CSMD3: variants seen among roughly 807,000 people sequenced by gnomAD.
CSMD3 encodes CUB and Sushi multiple domains 3.
Under a neutral mutation model 435.2 loss-of-function variants are expected in CSMD3, and 177 were observed. That is an observed-to-expected ratio of 0.41 (90% CI 0.36 to 0.46). The LOEUF (loss-of-function observed/expected upper bound fraction) is 0.46. CSMD3 is among the 20% of genes least tolerant of loss of function. The pLI is 0.34. For missense variants in CSMD3, 4,265 were observed against 4,504.6 expected (o/e 0.95, Z 1.52); for synonymous variants, 1,656 against 1,520.5 (o/e 1.09, Z -2.07).
At chr8:112,885,669 T>G (rs898457337) in intron 10 of CSMD3, among the ~76,000 whole-genome samples, 2 of 151,608 alleles carry the variant, frequency 1.3e-5, no homozygotes, top group African/African-American at 4.8e-5. Context: ...TGATGCTGGG[T>G]TTTTGCTTGT....
At chr8:112,409,845 T>C (rs1263555071) in intron 32 of CSMD3, among the ~76,000 whole-genome samples, 1 of 150,584 alleles carries the variant, frequency 6.6e-6, no homozygotes, top group Non-Finnish European at 1.5e-5. Context: ...TTGCTTTGTG[T>C]TTTTTTTTCT....
chr8:112,756,019 A>G (rs1421074914), intron 13 of CSMD3, among the ~76,000 whole-genome samples: 1 of 152,052 alleles, frequency 6.6e-6, no homozygotes. Context: ...GGTGCTACAT[A>G]TCCTGGTGGA....
chr8:113,158,500 T>C (rs904173798), intron 4 of CSMD3, among the ~76,000 whole-genome samples: 9 of 152,048 alleles, frequency 5.9e-5, no homozygotes, highest in Admixed American at 4.6e-4. Flanking sequence ...TCTGTCAAAG[T>C]TCATAATTTT....
intron 12 of CSMD3, among the ~76,000 whole-genome samples, chr8:112,822,973 G>A (rs768033275): frequency 1.4e-4 from 22 of 152,186 alleles, no homozygotes; most frequent in Non-Finnish European, 2.5e-4. Flanking sequence ...CTTGTATCCC[G>A]GGGATGAAGC....
intron 2 of CSMD3, among the ~76,000 whole-genome samples, chr8:113,293,337 G>A (rs1156598835): frequency 1.3e-5 from 2 of 151,934 alleles, no homozygotes; most frequent in Non-Finnish European, 2.9e-5. Flanking sequence ...AAACTGAGAA[G>A]TGGAGAGAAG....
chr8:113,207,513 G>A (rs2092785332), intron 3 of CSMD3, among the ~76,000 whole-genome samples: 1 of 151,572 alleles, frequency 6.6e-6, no homozygotes, highest in Admixed American at 6.6e-5. Flanking sequence ...CTCCCAAGTA[G>A]CTGGGATTAC....
At position 113,090,000 on chromosome 8, in the gene CSMD3, GA is replaced by G. The variant is rs199528234; in HGVS notation, c.917+8755del. Reference sequence around the variant, plus strand: ...ATGTTGAACAGAAAATGAGTGTTCAGAAAAAAAAAGTTAAAGTCATTGTAGC... The same window carrying G: ...ATGTTGAACAGAAAATGAGTGTTCAGAAAAAAAAGTTAAAGTCATTGTAGC... On this transcript the variant is annotated intron_variant, in intron 5 of 70. Transcript: ENST00000297405. 6.9e-3 allele frequency among the ~76,000 whole-genome samples: 1,041 copies of G among 151,336 alleles called. 13 individuals carry two copies. Among genetic ancestry groups the G allele is most frequent in the African/African-American group, 0.024 (996 of 41,320 alleles).
intron 4 of CSMD3, 114 bp downstream of exon 4, chr8:113,173,608 C>T (rs1354793401): frequency 2.3e-6 from 2 of 863,756 alleles, no homozygotes; most frequent in African/African-American, 3.3e-5. Flanking sequence ...AGGCGTGAGT[C>T]ACCATGCCTG....
At chr8:112,598,398 G>T (rs1488945673) in intron 22 of CSMD3, among the ~76,000 whole-genome samples, 14 of 150,804 alleles carry the variant, frequency 9.3e-5, no homozygotes, top group Admixed American at 9.3e-4. Flanking sequence ...AACATTCCAT[G>T]CTCATGGATA....
rs1401417560 is a variant in CSMD3 at position 112,953,322 on chromosome 8, T to A, written c.1420+1362A>T. On this transcript the variant is annotated intron_variant, in intron 8 of 70. Coordinates refer to ENST00000297405, the MANE Select transcript of CSMD3 (RefSeq NM_198123.2). ...GGTGATTTTTTAAATTTGTCTTTTTTTATCATAGAAAATACATCTTTCTCT... is the reference window on the plus strand; with the variant it reads ...GGTGATTTTTTAAATTTGTCTTTTTATATCATAGAAAATACATCTTTCTCT... Among the ~76,000 whole-genome samples the A allele has an allele frequency of 2.0e-5, 3 of 151,500 alleles. No individual in the cohort carries two copies. In the East Asian group the frequency reaches 5.8e-4, roughly 29 times the overall value.
In CSMD3 at chr8:113,269,955, T is replaced by C. The variant is rs531568120; in HGVS notation, c.514+8637A>G. ...AAGCAATGGCAACAAAAGACAAAAT[T>C]GACAAATGGGATCTAATTAAACTAA... On this transcript the variant is annotated intron_variant, in intron 3 of 70. Coordinates refer to ENST00000297405, the MANE Select transcript of CSMD3 (RefSeq NM_198123.2). 3.0e-3 allele frequency among the ~76,000 whole-genome samples: 460 copies of C among 151,158 alleles called. 1 individual carries two copies. The highest frequency in any genetic ancestry group is 4.7e-3 in the Non-Finnish European group (321 of 67,780).
At chr8:112,489,756 A>G (rs1820502451) in intron 31 of CSMD3, among the ~76,000 whole-genome samples, 1 of 152,146 alleles carries the variant, frequency 6.6e-6, no homozygotes. Flanking sequence ...GTTTTACTAT[A>G]CTAGAAATTA....
intron 38 of CSMD3, among the ~76,000 whole-genome samples, chr8:112,371,467 C>A (rs1828383113): frequency 6.6e-6 from 1 of 152,102 alleles, no homozygotes; most frequent in Non-Finnish European, 1.5e-5. Flanking sequence ...ATCCCCTACA[C>A]TCCAGGAATT....
intron 46 of CSMD3, among the ~76,000 whole-genome samples, chr8:112,319,691 A>G (rs1336606437): frequency 6.6e-6 from 1 of 152,180 alleles, no homozygotes. Context: ...CTTATTGTAC[A>G]TTCCAGAAAA....
intron 9 of CSMD3, among the ~76,000 whole-genome samples, chr8:112,933,994 A>T (rs11986298): frequency 0.014 from 2,098 of 152,250 alleles, 52 homozygotes; most frequent in African/African-American, 0.048. Flanking sequence ...CTAAGACTGT[A>T]AACTCTTGAA....
intron 11 of CSMD3, among the ~76,000 whole-genome samples, chr8:112,834,419 T>C (rs2079964944): frequency 6.6e-6 from 1 of 151,818 alleles, no homozygotes; most frequent in African/African-American, 2.4e-5. Flanking sequence ...AAAAATTAGC[T>C]TTGCCTTATT....
Position 112,335,471 on chromosome 8 carries a change from A to C in CSMD3, c.7023T>G (p.Asp2341Glu), listed in dbSNP as rs2130949014. ...TCTGAGGTGAATTTTGGTCTGGTCC[A>C]TCCCTATGAGACAAGGATTGGGAAA... ...EPIYDFITVW[D>E]GPDQNSPQIG... is the part of the protein sequence containing the mutation. The change falls in exon 45 of 71, where the codon GAT becomes GAG. Residue 2341 changes from aspartate to glutamate, a missense_variant. This residue lies in a region of CSMD3 where 3,255 missense variants were observed against 3,380.2 expected (regional missense o/e 0.96). Coordinates refer to ENST00000297405, the MANE Select transcript of CSMD3 (RefSeq NM_198123.2). 1.9e-6 allele frequency: 3 copies of C among 1,613,888 alleles called. No homozygotes were observed. Among genetic ancestry groups the C allele is most frequent in the Non-Finnish European group, 2.5e-6 (3 of 1,179,846 alleles).
At chr8:112,835,985 G>T (rs2080012096) in intron 11 of CSMD3, among the ~76,000 whole-genome samples, 1 of 151,790 alleles carries the variant, frequency 6.6e-6, no homozygotes, top group African/African-American at 2.4e-5. Flanking sequence ...CTCTTCTTCT[G>T]AGTGGGAGTT....
At chr8:113,205,413 T>C (rs1026535934) in intron 3 of CSMD3, among the ~76,000 whole-genome samples, 1 of 152,156 alleles carries the variant, frequency 6.6e-6, no homozygotes, top group Non-Finnish European at 1.5e-5. Context: ...GAATTCAAGA[T>C]GAGATGTGGG....
Sources: gnomAD v4.1 joint callset for allele counts (sites outside exome capture counted in the v4.1 genomes callset) on GRCh38, gnomAD v4.1.1 for gene constraint, gnomAD v4.1.1 regional missense constraint, MANE v1.5 for transcripts, NCBI Gene and HGNC (gene_info 2026-07-23, HGNC 2026-07-21) for gene names.